RECQL: variants seen among roughly 807,000 people sequenced by gnomAD.
RECQL encodes the protein RecQ like helicase.
RECQL carries 73 observed loss-of-function variants against 75.8 expected under a neutral mutation model. That is an observed-to-expected ratio of 0.96 (90% CI 0.80 to 1.17). RECQL has a LOEUF of 1.17. Ranked by LOEUF, RECQL falls within the 50% of genes most tolerant of loss-of-function variation. The pLI is 0.00. For missense variants in RECQL, 699 were observed against 772.1 expected (o/e 0.91, Z 1.12); for synonymous variants, 248 against 254.4 (o/e 0.97, Z 0.24).
Position 21,480,452 on chromosome 12 carries a change from G to A in RECQL, c.701-2483C>T, listed in dbSNP as rs73249917. Among the ~76,000 whole-genome samples, 1,496 of 152,278 alleles carry A rather than the reference G, an allele frequency of 9.8e-3. 31 individuals carry two copies. Among genetic ancestry groups the A allele is most frequent in the African/African-American group, 0.034 (1,432 of 41,542 alleles). ...ACTTGAGATTCATTCTAGAGGCAGAGCTGACAACACTTAGTGGTGGACTGG... is the reference window on the plus strand; with the variant it reads ...ACTTGAGATTCATTCTAGAGGCAGAACTGACAACACTTAGTGGTGGACTGG... On this transcript the variant is annotated intron_variant, in intron 6 of 14. Coordinates refer to ENST00000444129, the MANE Select transcript of RECQL (RefSeq NM_002907.4).
chr12:21,497,859 C>A (rs1283397963), intron 2 of RECQL, among the ~76,000 whole-genome samples: 3 of 152,186 alleles, frequency 2.0e-5, no homozygotes, highest in African/African-American at 7.2e-5. Context: ...TCATACCAAC[C>A]TTGAGTTCCA....
rs1402956420 is a variant in RECQL at position 21,473,446 on chromosome 12, G to T, written c.1447+105C>A. On this transcript the variant is annotated intron_variant, in intron 12 of 14. Coordinates refer to ENST00000444129, the MANE Select transcript of RECQL (RefSeq NM_002907.4). ...TTTATGTAAGTACACTTTGATGTTT[G>T]CACAATGACAAAATCACCTAGTGAT... 4.8e-6 allele frequency: 4 copies of T among 833,796 alleles called. No individual in the cohort carries two copies. In the African/African-American group the frequency reaches 5.1e-5, roughly 11 times the overall value. The allele number at this position is 833,796 out of a possible 1,614,324, so 51.6% of individuals were successfully genotyped here.
intron 13 of RECQL, 61 bp downstream of exon 13, chr12:21,471,367 C>G: frequency 2.1e-6 from 3 of 1,447,728 alleles, no homozygotes; most frequent in South Asian, 1.3e-5. Flanking sequence ...TATTCTGTTG[C>G]AATTTTTAAA....
At chr12:21,493,264 T>C (rs894857832) in intron 2 of RECQL, among the ~76,000 whole-genome samples, 55 of 152,144 alleles carry the variant, frequency 3.6e-4, no homozygotes, top group African/African-American at 1.2e-3. Context: ...CATCATGCAG[T>C]GAAAAAAGTT....
Position 21,485,385 on chromosome 12 carries a change from C to A in RECQL, c.501+1094G>T, listed in dbSNP as rs373650227. 8.7e-5 allele frequency among the ~76,000 whole-genome samples: 13 copies of A among 148,598 alleles called. No individual in the cohort carries two copies. The East Asian group carries it at 1.8e-3, about 20-fold the overall frequency. On this transcript the variant is annotated intron_variant, in intron 5 of 14. Transcript: ENST00000444129. The stretch of plus-strand genomic sequence containing the variant: ...AAAAGAAAGAGAGAAAGAAAGAACA[C>A]CACAAGGACGCAATCAGGAAAATGT...
At chr12:21,492,740 C>G (rs1591991091) in intron 2 of RECQL, among the ~76,000 whole-genome samples, 1 of 152,228 alleles carries the variant, frequency 6.6e-6, no homozygotes, top group Non-Finnish European at 1.5e-5. Flanking sequence ...GGACGTGGGG[C>G]AGAAGCCAGT....
At chr12:21,482,618 G>A (rs1255082325) in intron 6 of RECQL, among the ~76,000 whole-genome samples, 1 of 152,150 alleles carries the variant, frequency 6.6e-6, no homozygotes, top group Non-Finnish European at 1.5e-5. Flanking sequence ...GCAGTCCAGG[G>A]CAAATATAAC....
At chr12:21,490,063 A>G (rs1943378956) in intron 4 of RECQL, 136 bp downstream of exon 4, 1 of 459,792 alleles carries the variant, frequency 2.2e-6, no homozygotes. Flanking sequence ...TTAAATTTCT[A>G]TTAATATAGA....
intron 5 of RECQL, 42 bp from the exon 6 acceptor site, chr12:21,483,616 G>C: frequency 7.2e-7 from 1 of 1,390,738 alleles, no homozygotes; most frequent in Non-Finnish European, 9.8e-7. Flanking sequence ...GTAAAACTAA[G>C]CTAGCAGACT....
intron 5 of RECQL, among the ~76,000 whole-genome samples, chr12:21,485,341 A>T (rs997595518): frequency 3.3e-5 from 5 of 150,708 alleles, no homozygotes; most frequent in Admixed American, 6.6e-5. Context: ...AAAAAAAAAA[A>T]AAGAAAAAGA....
chr12:21,479,648 G>A (rs536603425), intron 6 of RECQL, among the ~76,000 whole-genome samples: 67 of 152,038 alleles, frequency 4.4e-4, no homozygotes, highest in African/African-American at 1.3e-3. Context: ...CCACCGCACC[G>A]AGCCCATCAT....
intron 7 of RECQL, among the ~76,000 whole-genome samples, chr12:21,477,210 A>AC (rs1317002098): frequency 1.3e-5 from 2 of 152,114 alleles, no homozygotes; most frequent in Admixed American, 1.3e-4. Context: ...AAGAGCAAGC[A>AC]CATGAGCAGT....
chr12:21,487,053 C>T (rs1477831047), intron 4 of RECQL, among the ~76,000 whole-genome samples: 1 of 151,932 alleles, frequency 6.6e-6, no homozygotes, highest in East Asian at 1.9e-4. Flanking sequence ...TTACTTCTTA[C>T]TCTCATTAAT....
chr12:21,486,734 G>A (rs1200873143), intron 4 of RECQL, 149 bp from the exon 5 acceptor site: 9 of 631,796 alleles, frequency 1.4e-5, no homozygotes, highest in South Asian at 4.4e-5. Flanking sequence ...GCAGTGGTGC[G>A]ATGTTGGCTC....
intron 2 of RECQL, among the ~76,000 whole-genome samples, chr12:21,493,913 A>C (rs763633491): frequency 1.3e-5 from 2 of 152,244 alleles, no homozygotes; most frequent in East Asian, 3.8e-4. Context: ...ATGTGCCAAA[A>C]TATATCAATA....
chr12:21,485,869 T>C (rs1943286038), intron 5 of RECQL, among the ~76,000 whole-genome samples: 1 of 152,134 alleles, frequency 6.6e-6, no homozygotes, highest in Non-Finnish European at 1.5e-5. Flanking sequence ...ATATGCTTTT[T>C]AAAAAAGAAT....
In RECQL at chr12:21,471,559, T is replaced by A. The variant is rs762453121; in HGVS notation, c.1536A>T (p.Pro512=). The A allele has an allele frequency of 4.1e-5, 66 of 1,612,778 alleles. No homozygotes were observed. Among genetic ancestry groups the A allele is most frequent in the Non-Finnish European group, 5.0e-5 (59 of 1,179,314 alleles). Residue 512 remains proline, a synonymous_variant, in exon 13 of 15, where the codon CCA becomes CCT. Coordinates refer to ENST00000444129, the MANE Select transcript of RECQL (RefSeq NM_002907.4). ...QAEELNEKLT[P]LKLIDSWMGK... is the part of the protein sequence containing the mutation. ...CCATCCAAGAATCAATCAGTTTCAA[T>A]GGAGTGAGTTTTTCATTCAGTTCCT...
intron 11 of RECQL, among the ~76,000 whole-genome samples, 181 bp from the exon 12 acceptor site, chr12:21,473,823 A>G (rs1943030818): frequency 6.6e-6 from 1 of 152,146 alleles, no homozygotes; most frequent in Non-Finnish European, 1.5e-5. Context: ...TTAGAAGTGT[A>G]CTATGGGTTT....
intron 4 of RECQL, among the ~76,000 whole-genome samples, chr12:21,489,082 CCAGATCTTTGTA>C (rs372820542): frequency 5.9e-5 from 9 of 152,316 alleles, no homozygotes; most frequent in Middle Eastern, 3.4e-3. Flanking sequence ...AGCCCCTAGA[CCAGATCTTTGTA>C]CAGACTTAAT....
Sources: gnomAD v4.1 joint callset for allele counts (sites outside exome capture counted in the v4.1 genomes callset) on GRCh38, gnomAD v4.1.1 for gene constraint, MANE v1.5 for transcripts, NCBI Gene and HGNC (gene_info 2026-07-23, HGNC 2026-07-21) for gene names.